Variants in MARCHF1 observed in about 807,000 individuals in gnomAD.
MARCHF1 encodes membrane associated ring-CH-type finger 1.
A neutral mutation model predicts 54.2 loss-of-function variants in MARCHF1; 40 were observed. That is an observed-to-expected ratio of 0.74 (90% CI 0.57 to 0.96). The LOEUF (loss-of-function observed/expected upper bound fraction) is 0.96, where lower values mean the gene tolerates loss of function less well. Ranked by LOEUF, MARCHF1 falls within the 40% of genes least tolerant of loss-of-function variation. The pLI is 0.00. For missense variants in MARCHF1, 586 were observed against 656.5 expected (o/e 0.89, Z 1.17); for synonymous variants, 236 against 236.3 (o/e 1.00, Z 0.01).
chr4:164,059,855 T>G (rs1164760796), intron 2 of MARCHF1, among the ~76,000 whole-genome samples: 1 of 152,158 alleles, frequency 6.6e-6, no homozygotes. Context: ...CTTAATATGT[T>G]TCATAAAGGT....
At chr4:163,868,796 A>C (rs1750109174) in intron 3 of MARCHF1, among the ~76,000 whole-genome samples, 1 of 152,056 alleles carries the variant, frequency 6.6e-6, no homozygotes, top group African/African-American at 2.4e-5. Context: ...ACACGATAAA[A>C]TAAAAAGAGA....
intron 1 of MARCHF1, among the ~76,000 whole-genome samples, chr4:164,347,146 A>G (rs1489704349): frequency 4.6e-5 from 7 of 152,182 alleles, no homozygotes; most frequent in Non-Finnish European, 1.0e-4. Flanking sequence ...AAATAAATAA[A>G]GAACATGTGA....
In MARCHF1 at chr4:163,539,011, T is replaced by G. The variant is rs577464526; in HGVS notation, c.1339+6585A>C. Reference sequence around the variant, plus strand: ...GCTCTCTCCTGATGCTTTTATTTATTTATTTATTTATTTATTTATTTATTT... The same window carrying G: ...GCTCTCTCCTGATGCTTTTATTTATGTATTTATTTATTTATTTATTTATTT... On this transcript the variant is annotated intron_variant, in intron 9 of 9. Coordinates refer to ENST00000514618, the MANE Select transcript of MARCHF1 (RefSeq NM_001394959.1). 2.9e-4 allele frequency among the ~76,000 whole-genome samples: 44 copies of G among 151,642 alleles called. No individual in the cohort carries two copies. In the Middle Eastern group the frequency reaches 0.014, roughly 47 times the overall value.
chr4:164,259,278 C>T (rs1733382394), intron 1 of MARCHF1, among the ~76,000 whole-genome samples: 1 of 151,942 alleles, frequency 6.6e-6, no homozygotes, highest in African/African-American at 2.4e-5. Context: ...CGTGGTGGCT[C>T]ACTCCTGTAA....
chr4:164,083,296 T>A (rs1296925700), intron 2 of MARCHF1, among the ~76,000 whole-genome samples: 1 of 152,074 alleles, frequency 6.6e-6, no homozygotes. Context: ...AAGGTTTTTT[T>A]TTCATTTTTT....
chr4:164,379,452 G>A (rs1731302288), intron 1 of MARCHF1, among the ~76,000 whole-genome samples: 1 of 152,134 alleles, frequency 6.6e-6, no homozygotes, highest in African/African-American at 2.4e-5. Context: ...CTATCTATGA[G>A]AAGATAATAG....
At chr4:164,125,514 G>A (rs912731693) in intron 1 of MARCHF1, among the ~76,000 whole-genome samples, 11 of 152,010 alleles carry the variant, frequency 7.2e-5, no homozygotes, top group African/African-American at 2.7e-4. Flanking sequence ...TGAATTCCAG[G>A]CCACAACTTC....
rs140941603 is a variant in MARCHF1, at chr4:164,125,638, C to T, written c.-322-13976G>A. Among the ~76,000 whole-genome samples, 472 of 152,258 alleles carry T rather than the reference C, an allele frequency of 3.1e-3. 1 individual carries two copies. The highest frequency in any genetic ancestry group is 0.011 in the African/African-American group (444 of 41,560). ...TAACCTTATGATAAGCTCACATTTG[C>T]GTTGGATCTGCTATACCAGGGATTC... On this transcript the variant is annotated intron_variant, in intron 1 of 9. Transcript: ENST00000514618.
chr4:163,541,713 T>C (rs1360641307), intron 9 of MARCHF1, among the ~76,000 whole-genome samples: 1 of 152,202 alleles, frequency 6.6e-6, no homozygotes, highest in African/African-American at 2.4e-5. Flanking sequence ...AGGACAAATT[T>C]GTTTCTTTTA....
chr4:164,158,573 A>G (rs541304989), intron 1 of MARCHF1, among the ~76,000 whole-genome samples: 18 of 152,286 alleles, frequency 1.2e-4, no homozygotes, highest in Non-Finnish European at 2.4e-4. Flanking sequence ...CCAGGGAGGC[A>G]GAGGTTGCAG....
intron 5 of MARCHF1, among the ~76,000 whole-genome samples, chr4:163,673,671 C>T (rs982151987): frequency 1.3e-5 from 2 of 151,924 alleles, no homozygotes; most frequent in African/African-American, 2.4e-5. Context: ...TAATAAGTAG[C>T]TTATCATAGG....
At chr4:163,600,576 A>G (rs1224582132) in intron 7 of MARCHF1, among the ~76,000 whole-genome samples, 2 of 152,040 alleles carry the variant, frequency 1.3e-5, no homozygotes, top group African/African-American at 4.8e-5. Context: ...TATGGCTTCT[A>G]TTTCATTCTG....
chr4:163,751,267 A>G (rs1349810894), intron 4 of MARCHF1, among the ~76,000 whole-genome samples: 4 of 152,044 alleles, frequency 2.6e-5, no homozygotes, highest in Admixed American at 2.0e-4. Context: ...TCCTGGCCTC[A>G]AGCAAATCTC....
chr4:164,035,708 C>T (rs559908280), intron 2 of MARCHF1, among the ~76,000 whole-genome samples: 1 of 150,766 alleles, frequency 6.6e-6, no homozygotes, highest in African/African-American at 2.4e-5. Context: ...AATAAGGGTA[C>T]TGAAATCAAA....
chr4:163,957,911 A>G (rs1489879219), intron 3 of MARCHF1, among the ~76,000 whole-genome samples: 1 of 151,998 alleles, frequency 6.6e-6, no homozygotes, highest in Non-Finnish European at 1.5e-5. Context: ...ATGTTTCTCT[A>G]AAGTTTATTT....
chr4:164,020,937 G>A (rs940169990), intron 2 of MARCHF1, among the ~76,000 whole-genome samples: 4 of 152,090 alleles, frequency 2.6e-5, no homozygotes, highest in African/African-American at 9.7e-5. Flanking sequence ...CTACGGTTAA[G>A]GCTTTGTATT....
chr4:163,903,273 T>G (rs1750980312), intron 3 of MARCHF1, among the ~76,000 whole-genome samples: 1 of 152,170 alleles, frequency 6.6e-6, no homozygotes, highest in Admixed American at 6.5e-5. Context: ...TATATTTGTA[T>G]GTATACACTG....
chr4:164,188,429 G>C (rs1299160724), intron 1 of MARCHF1: 3 of 596,470 alleles, frequency 5.0e-6, no homozygotes, highest in East Asian at 6.0e-5. Flanking sequence ...ACTCGGTGAG[G>C]CGTGGTTCGA....
intron 4 of MARCHF1, among the ~76,000 whole-genome samples, chr4:163,787,470 A>C (rs1336705940): frequency 6.6e-6 from 1 of 151,934 alleles, no homozygotes; most frequent in Non-Finnish European, 1.5e-5. Context: ...ACACTTGTAA[A>C]GATGCTTGAC....
Sources: allele counts gnomAD v4.1 joint callset (sites outside exome capture counted in the v4.1 genomes callset), GRCh38; gene constraint gnomAD v4.1.1; transcripts MANE v1.5; gene names NCBI Gene and HGNC (gene_info 2026-07-23, HGNC 2026-07-21).